Variants in SLC6A14 observed in about 807,000 individuals in gnomAD.
The protein encoded by SLC6A14 is sodium- and chloride-dependent neutral and basic amino acid transporter B(0+).
Under a neutral mutation model 51.4 loss-of-function variants are expected in SLC6A14, and 21 were observed. The ratio of observed to expected loss-of-function variants is 0.41; its 90% CI spans 0.29 to 0.59. The LOEUF is 0.59. SLC6A14 is among the 20% of genes least tolerant of loss of function. The pLI, the probability that SLC6A14 is intolerant of heterozygous loss-of-function variation, is 0.31. For synonymous variants in SLC6A14, 177 were observed against 160.7 expected, an observed-to-expected ratio of 1.10 and a Z score of -0.77; for missense variants, 371 against 472.8, an observed-to-expected ratio of 0.78 and a Z score of 2.00.
At chrX:116,450,925 C>G (rs1320711340) in intron 7 of SLC6A14, among the ~76,000 whole-genome samples, 1 of 111,396 alleles carries the variant, frequency 9.0e-6, no homozygotes, top group Admixed American at 9.6e-5. Context: ...GATGACAGAG[C>G]GAGACTCTGT....
At chrX:116,438,135 C>G (rs1166929422) in intron 2 of SLC6A14, among the ~76,000 whole-genome samples, 180 bp downstream of exon 2, 1 of 111,292 alleles carries the variant, frequency 9.0e-6, no homozygotes, top group Non-Finnish European at 1.9e-5. Flanking sequence ...GGGTTACCAG[C>G]TCAAGTTAGA....
At position 116,442,807 on chromosome X, in the gene SLC6A14, G is replaced by T; in HGVS notation, c.467G>T (p.Cys156Phe). 8.4e-7 allele frequency: 1 copy of T among 1,193,145 alleles called. No homozygotes were observed. Among genetic ancestry groups the T allele is most frequent in the Non-Finnish European group, 1.1e-6 (1 of 889,396 alleles). The change falls in exon 4 of 14, where the codon TGT becomes TTT. Residue 156 changes from cysteine to phenylalanine, a missense_variant. By Grantham distance (205) the Cys-to-Phe change is radical. Transcript: ENST00000598581. ...CAAAGTGAACTACCATGGAAAAATT[G>T]TTCTTCGTGGTCAGATAAAAACTGT... ...SFQSELPWKN[C>F]SSWSDKNCSR...
At chrX:116,442,606 T>G in intron 3 of SLC6A14, 81 bp from the exon 4 acceptor site, 2 of 798,857 alleles carry the variant, frequency 2.5e-6, no homozygotes, top group South Asian at 3.3e-5. Flanking sequence ...TTGTGGTAAT[T>G]GAGATACAGC....
At chrX:116,444,745 A>G (rs941809754) in intron 5 of SLC6A14, among the ~76,000 whole-genome samples, 173 bp from the exon 6 acceptor site, 11 of 111,366 alleles carry the variant, frequency 9.9e-5, no homozygotes, top group Non-Finnish European at 1.9e-4. Context: ...TTAATAAACT[A>G]TCTGTGCCCT....
intron 13 of SLC6A14, among the ~76,000 whole-genome samples, chrX:116,458,599 A>AT (rs1273679145): frequency 3.6e-5 from 4 of 111,955 alleles, no homozygotes; most frequent in Non-Finnish European, 7.5e-5. Context: ...ATATACTTCT[A>AT]TTAACAACTA....
intron 2 of SLC6A14, among the ~76,000 whole-genome samples, chrX:116,440,404 T>C (rs781839667): frequency 2.0e-4 from 23 of 112,445 alleles, no homozygotes; most frequent in African/African-American, 6.8e-4. Flanking sequence ...GCTTACACTG[T>C]GAGCCACATT....
At position 116,440,854 on chromosome X, in the gene SLC6A14, C is replaced by T. The variant is rs1414131537; in HGVS notation, c.215-112C>T. The stretch of plus-strand genomic sequence containing the variant: ...CAGTGAACTTTAGGCCCAAACCCAG[C>T]GCTCTTTGATTCCAATATATCAGGA... On this transcript the variant is annotated intron_variant, in intron 2 of 13. Transcript: ENST00000598581. The T allele has an allele frequency of 2.0e-5, 16 of 801,840 alleles. No homozygotes were observed. The African/African-American group carries it at 2.5e-4, about 13-fold the overall frequency. The allele number at this position is 801,840 out of a possible 1,213,427, so 66.1% of individuals were successfully genotyped here.
intron 12 of SLC6A14, among the ~76,000 whole-genome samples, chrX:116,456,499 T>C (rs1927937744): frequency 9.0e-6 from 1 of 111,277 alleles, no homozygotes; most frequent in Non-Finnish European, 1.9e-5. Context: ...GTAAGCCCCC[T>C]TGTCAACTTA....
At chrX:116,455,160 CT>C in intron 11 of SLC6A14, 84 bp downstream of exon 11, 1 of 686,232 alleles carries the variant, frequency 1.5e-6, no homozygotes, top group Non-Finnish European at 2.2e-6. Context: ...CCTAATTATA[CT>C]ATTAATTTTT....
Position 116,443,470 on chromosome X carries a change from A to T in SLC6A14, c.509-173A>T, listed in dbSNP as rs190775917. ...AATCCCTCCTAGTTTAGTAGAAAAG[A>T]TTTTAAGATGCTGAATGTACATAGC... On this transcript the variant is annotated intron_variant, in intron 4 of 13. Transcript: ENST00000598581. Among the ~76,000 whole-genome samples the T allele has an allele frequency of 3.3e-3, 367 of 111,834 alleles. 1 individual carries two copies. Among genetic ancestry groups the T allele is most frequent in the African/African-American group, 0.011 (341 of 30,848 alleles).
Position 116,451,635 on chromosome X carries a change from T to A in SLC6A14, c.1124T>A (p.Ile375Lys). 4 of 1,203,584 alleles carry A rather than the reference T, an allele frequency of 3.3e-6. No homozygotes were observed. The highest frequency in any genetic ancestry group is 4.5e-6 in the Non-Finnish European group (4 of 888,573). Residue 375 changes from isoleucine to lysine, a missense_variant, in exon 8 of 14, where the codon ATA becomes AAA. Ile to Lys is a moderately radical substitution (Grantham distance 102). Coordinates refer to ENST00000598581, the MANE Select transcript of SLC6A14 (RefSeq NM_007231.5). Reference protein sequence around the residue: ...IFSILGHMAHISGKEVSQVVK... With the variant: ...IFSILGHMAHKSGKEVSQVVK... The stretch of plus-strand genomic sequence containing the variant: ...TCTATATTGGGACACATGGCCCATA[T>A]ATCTGGAAAGGAAGTTTCTCAAGTT...
chrX:116,445,496 GAGAGAGAGAA>G (rs1927692964), intron 6 of SLC6A14, among the ~76,000 whole-genome samples: 2 of 101,106 alleles, frequency 2.0e-5, no homozygotes, highest in Middle Eastern at 5.3e-3. Context: ...GAGAGAGAGA[GAGAGAGAGAA>G]ATGTGTGTGT....
At chrX:116,446,717 A>T in intron 6 of SLC6A14, 24 bp from the exon 7 acceptor site, 1 of 1,157,668 alleles carries the variant, frequency 8.6e-7, no homozygotes, top group Non-Finnish European at 1.2e-6. Flanking sequence ...TAATTTACTA[A>T]TTTTTGGTTA....
At chrX:116,446,972 G>GT (rs1569539670) in intron 7 of SLC6A14, 91 bp downstream of exon 7, 1 of 735,623 alleles carries the variant, frequency 1.4e-6, no homozygotes, top group Non-Finnish European at 2.0e-6. Flanking sequence ...ATATCATAAT[G>GT]TAATAGCTTG....
chrX:116,447,593 T>C (rs1423688583), intron 7 of SLC6A14, among the ~76,000 whole-genome samples: 5 of 1,294 alleles, frequency 3.9e-3, no homozygotes, highest in African/African-American at 4.2e-3. Flanking sequence ...TTTCACTTCT[T>C]TTTTTTTTTT....
At chrX:116,457,422 T>C (rs1413155730) in intron 12 of SLC6A14, among the ~76,000 whole-genome samples, 187 bp from the exon 13 acceptor site, 2 of 111,762 alleles carry the variant, frequency 1.8e-5, no homozygotes, top group Non-Finnish European at 3.8e-5. Context: ...AAAATAAAAG[T>C]TATATATTTT....
chrX:116,436,843 G>T, intron 1 of SLC6A14, 86 bp downstream of exon 1: 1 of 833,416 alleles, frequency 1.2e-6, no homozygotes, highest in Non-Finnish European at 1.7e-6. Context: ...TTTGCTTTCT[G>T]TGGCTGTTCC....
rs781822786 is a variant in SLC6A14, at chrX:116,442,863, C to T, written c.508+15C>T. On this transcript the variant is annotated intron_variant, in intron 4 of 13. Transcript: ENST00000598581. ...ATCACCAATAGGTAAAATTTGTCAA[C>T]ACCCAAATAGTTCTTTTATATATAT... 1.1e-5 allele frequency: 12 copies of T among 1,120,660 alleles called. No individual in the cohort carries two copies. The highest frequency in any genetic ancestry group is 1.4e-5 in the Non-Finnish European group (12 of 837,415). 92.4% of individuals were successfully genotyped at this position (1,120,660 alleles called of 1,213,427 possible). A position where few individuals can be genotyped will look rare whatever the true frequency, so the allele number is the denominator to read the frequency against.
intron 1 of SLC6A14, 108 bp downstream of exon 1, chrX:116,436,865 A>G (rs1556693321): frequency 3.1e-6 from 2 of 651,183 alleles, no homozygotes; most frequent in African/African-American, 2.2e-5. Context: ...TGTGCTCCAC[A>G]TTTCTGTTCA....
Sources: gnomAD v4.1 joint callset for allele counts (sites outside exome capture counted in the v4.1 genomes callset) on GRCh38, gnomAD v4.1.1 for gene constraint, MANE v1.5 for transcripts, NCBI Gene and HGNC (gene_info 2026-07-23, HGNC 2026-07-21) for gene names.